The following LMBRD2 variants were observed in gnomAD, a reference collection of about 807,000 sequenced individuals.
LMBRD2 encodes LMBR1 domain containing 2.
In LMBRD2, 55 loss-of-function variants were observed where a neutral mutation model predicts 94.4. That is an observed-to-expected ratio of 0.58 (90% CI 0.47 to 0.73). LMBRD2 has a LOEUF of 0.73. Among genes scored for constraint, LMBRD2 ranks in the 30% least tolerant of loss-of-function variants. The pLI, the probability that LMBRD2 is intolerant of heterozygous loss-of-function variation, is 0.00. For synonymous variants in LMBRD2, 246 were observed against 272.4 expected (o/e 0.90, Z 0.95); for missense variants, 640 against 831.9 (o/e 0.77, Z 2.84).
At chr5:36,105,690 A>G (rs1743450457) in intron 16 of LMBRD2, among the ~76,000 whole-genome samples, 2 of 152,346 alleles carry the variant, frequency 1.3e-5, no homozygotes, top group Non-Finnish European at 2.9e-5. Flanking sequence ...ATTTTCTAGT[A>G]GCTATATTAA....
In LMBRD2 at chr5:36,111,277, T is replaced by C; in HGVS notation, c.1641-19A>G. On this transcript the variant is annotated intron_variant, in intron 13 of 17. Transcript: ENST00000296603. ...TCCCAAACTAATAAAAGCAGATTTTTTAAAAAGACAAACATTATTTCACAT... is the reference window on the plus strand; with the variant it reads ...TCCCAAACTAATAAAAGCAGATTTTCTAAAAAGACAAACATTATTTCACAT... 6.8e-7 allele frequency: 1 copy of C among 1,481,466 alleles called. No individual in the cohort carries two copies. The highest frequency in any genetic ancestry group is 2.3e-5 in the East Asian group (1 of 44,010). The allele number at this position is 1,481,466 out of a possible 1,614,324, so 91.8% of individuals were successfully genotyped here. A position where few individuals can be genotyped will look rare whatever the true frequency, so the allele number is the denominator to read the frequency against.
At chr5:36,142,869 C>T in intron 2 of LMBRD2, 2 of 372,582 alleles carry the variant, frequency 5.4e-6, no homozygotes, top group Non-Finnish European at 4.9e-6. Flanking sequence ...GGACTACAGG[C>T]GTCCGCCACC....
chr5:36,140,334 C>T lies in LMBRD2; in HGVS notation c.368+773G>A, dbSNP rs563690020. On this transcript the variant is annotated intron_variant, in intron 4 of 17. Transcript: ENST00000296603. ...ACCCCTCACCACTCCATGCCTGGCTCGCCCTTGGGAGTCATGAGATCAGAG... is the reference window on the plus strand; with the variant it reads ...ACCCCTCACCACTCCATGCCTGGCTTGCCCTTGGGAGTCATGAGATCAGAG... 8.5e-5 allele frequency among the ~76,000 whole-genome samples: 13 copies of T among 152,318 alleles called. No individual in the cohort carries two copies. The South Asian group carries it at 1.7e-3, about 19-fold the overall frequency.
intron 6 of LMBRD2, among the ~76,000 whole-genome samples, chr5:36,135,878 C>T (rs1744259475): frequency 6.6e-6 from 1 of 152,184 alleles, no homozygotes; most frequent in African/African-American, 2.4e-5. Flanking sequence ...AACTCCCATG[C>T]AAATTGTTCT....
At chr5:36,139,065 G>A (rs1341928204) in intron 4 of LMBRD2, among the ~76,000 whole-genome samples, 1 of 152,168 alleles carries the variant, frequency 6.6e-6, no homozygotes, top group Non-Finnish European at 1.5e-5. Flanking sequence ...CCTGCTCTGG[G>A]CATAGCTGCA....
At chr5:36,121,740 T>A (rs1192827132) in intron 9 of LMBRD2, among the ~76,000 whole-genome samples, 1 of 152,160 alleles carries the variant, frequency 6.6e-6, no homozygotes, top group Non-Finnish European at 1.5e-5. Context: ...ACAATGGTGA[T>A]CCCATAAAAT....
chr5:36,114,587 T>C lies in LMBRD2; in HGVS notation c.1543-66A>G, dbSNP rs550803865. On this transcript the variant is annotated intron_variant, in intron 12 of 17. Transcript: ENST00000296603. ...TATAATTTCCATTCCTTTCCATCAT[T>C]AGAAAATTTGCCTATAACCAGTTAT... is the stretch of plus-strand genomic sequence containing the variant. The C allele has an allele frequency of 2.0e-5, 29 of 1,434,792 alleles. No individual in the cohort carries two copies. The Admixed American group carries it at 5.4e-4, about 27-fold the overall frequency. 88.9% of individuals were successfully genotyped at this position (1,434,792 alleles called of 1,614,324 possible).
At chr5:36,125,543 C>T (rs1743988877) in intron 6 of LMBRD2, among the ~76,000 whole-genome samples, 1 of 152,056 alleles carries the variant, frequency 6.6e-6, no homozygotes, top group African/African-American at 2.4e-5. Flanking sequence ...AAAACAGTTA[C>T]AGATTTTAAA....
chr5:36,144,392 A>C (rs1174471472), intron 1 of LMBRD2, among the ~76,000 whole-genome samples: 1 of 152,174 alleles, frequency 6.6e-6, no homozygotes, highest in Non-Finnish European at 1.5e-5. Context: ...GATCAACCCA[A>C]CAAAATAAAA....
chr5:36,139,554 C>A (rs943971757), intron 4 of LMBRD2, among the ~76,000 whole-genome samples: 2 of 152,190 alleles, frequency 1.3e-5, no homozygotes, highest in Non-Finnish European at 2.9e-5. Flanking sequence ...GGTGCTTTAT[C>A]CAGGTCTGCC....
intron 9 of LMBRD2, among the ~76,000 whole-genome samples, chr5:36,118,180 T>A (rs1181907686): frequency 6.6e-6 from 1 of 152,136 alleles, no homozygotes; most frequent in Non-Finnish European, 1.5e-5. Context: ...AGAACTTGCG[T>A]CTAATTTTAA....
In LMBRD2 at chr5:36,099,154, G is replaced by A. The variant is rs573650759; in HGVS notation, c.*4892C>T. ...TATTTCAAGCTCACACTGGACTACT[G>A]AACTTTAGAATACTGTCCTAAGGAA... On this transcript the variant is annotated 3_prime_UTR_variant, in exon 18 of 18. Transcript: ENST00000296603. 2 of 152,106 alleles carry A rather than the reference G, an allele frequency of 1.3e-5. No homozygotes were observed. The highest frequency in any genetic ancestry group is 4.1e-4 in the South Asian group (2 of 4,826). 9.4% of individuals were successfully genotyped at this position (152,106 alleles called of 1,614,324 possible). A position where few individuals can be genotyped will look rare whatever the true frequency, so the allele number is the denominator to read the frequency against.
chr5:36,111,271 G>A lies in LMBRD2; in HGVS notation c.1641-13C>T. 1 of 1,552,794 alleles carries A rather than the reference G, an allele frequency of 6.4e-7. No homozygotes were observed. Among genetic ancestry groups the A allele is most frequent in the Non-Finnish European group, 8.9e-7 (1 of 1,127,820 alleles). ...ACGGGTTCCCAAACTAATAAAAGCA[G>A]ATTTTTTAAAAAGACAAACATTATT... On this transcript the variant is annotated splice_polypyrimidine_tract_variant and intron_variant, in intron 13 of 17. Transcript: ENST00000296603.
rs781233923 is a variant in LMBRD2, at chr5:36,142,573, A to C, written c.201T>G (p.Ala67=). 21 of 1,610,410 alleles carry C rather than the reference A, an allele frequency of 1.3e-5. No homozygotes were observed. Among genetic ancestry groups the C allele is most frequent in the Admixed American group, 3.3e-5 (2 of 60,018 alleles). ...TCTCAGGAGGGCTTGAATTTGCAGC[A>C]GCATGCTTGCACCGGTTGTATATTG... ...STTIYNRCKH[A]AANSSPPENS... The change falls in exon 3 of 18, where the codon GCT becomes GCG. Residue 67 remains alanine (A), a synonymous_variant. Transcript: ENST00000296603.
At chr5:36,134,277 A>G (rs535652461) in intron 6 of LMBRD2, among the ~76,000 whole-genome samples, 2 of 152,246 alleles carry the variant, frequency 1.3e-5, no homozygotes, top group East Asian at 3.9e-4. Context: ...GTAGAGAATA[A>G]ATGCTGCAAA....
chr5:36,134,179 A>T (rs1744217447), intron 6 of LMBRD2, among the ~76,000 whole-genome samples: 1 of 152,162 alleles, frequency 6.6e-6, no homozygotes, highest in Non-Finnish European at 1.5e-5. Flanking sequence ...ATATAACAGG[A>T]AATTTATTCA....
intron 9 of LMBRD2, among the ~76,000 whole-genome samples, chr5:36,118,369 T>A (rs1408436076): frequency 6.6e-6 from 1 of 152,178 alleles, no homozygotes; most frequent in African/African-American, 2.4e-5. Context: ...AAAATATTAT[T>A]GGGATAATTA....
At chr5:36,122,018 A>T (rs556805126) in intron 9 of LMBRD2, among the ~76,000 whole-genome samples, 1 of 152,342 alleles carries the variant, frequency 6.6e-6, no homozygotes, top group East Asian at 1.9e-4. Flanking sequence ...TATATTATGC[A>T]TTATAAAAAA....
intron 1 of LMBRD2, among the ~76,000 whole-genome samples, chr5:36,146,445 A>T (rs1206392654): frequency 1.3e-5 from 2 of 152,190 alleles, no homozygotes; most frequent in Non-Finnish European, 2.9e-5. Flanking sequence ...ATCATGGCTC[A>T]ACATAACCTT....
Sources: gnomAD v4.1 joint callset for allele counts (sites outside exome capture counted in the v4.1 genomes callset) on GRCh38, gnomAD v4.1.1 for gene constraint, MANE v1.5 for transcripts, NCBI Gene and HGNC (gene_info 2026-07-23, HGNC 2026-07-21) for gene names.